The following SLC2A9 variants were observed in gnomAD, a reference collection of about 807,000 sequenced individuals.
SLC2A9 encodes solute carrier family 2 member 9.
In SLC2A9, 39 loss-of-function variants were observed where a neutral mutation model predicts 50.6. That is an observed-to-expected ratio of 0.77 (90% CI 0.60 to 1.01). The LOEUF (loss-of-function observed/expected upper bound fraction) is 1.01, where lower values mean the gene tolerates loss of function less well. SLC2A9 is among the 50% of genes least tolerant of loss of function. SLC2A9 has a pLI of 0.00. For missense variants in SLC2A9, 686 were observed against 677.6 expected (o/e 1.01, Z -0.14); for synonymous variants, 324 against 276.9 (o/e 1.17, Z -1.69).
intron 5 of SLC2A9, among the ~76,000 whole-genome samples, chr4:9,946,987 C>T (rs1038972433): frequency 6.6e-6 from 1 of 152,214 alleles, no homozygotes; most frequent in Non-Finnish European, 1.5e-5. Context: ...CATACCCCTT[C>T]CTCCAAGCCT....
chr4:9,900,569 C>T (rs10027276), intron 8 of SLC2A9, among the ~76,000 whole-genome samples: 32,167 of 152,044 alleles, frequency 0.21, 3,892 homozygotes, highest in African/African-American at 0.33. Context: ...TGTTTCTTCC[C>T]TTCCTCATCC....
Position 9,942,071 on chromosome 4 carries a change from G to A in SLC2A9, c.682-26C>T, listed in dbSNP as rs200826534. On this transcript the variant is annotated intron_variant, in intron 5 of 11. Coordinates refer to ENST00000264784, the MANE Select transcript of SLC2A9 (RefSeq NM_020041.3). Reference sequence around the variant, plus strand: ...CTGTGGGAGAAGGAGATGCTGCTGAGTGCAGTGGCCTTTGGTCATTGTTGA... The same window carrying A: ...CTGTGGGAGAAGGAGATGCTGCTGAATGCAGTGGCCTTTGGTCATTGTTGA... 6.0e-5 allele frequency: 97 copies of A among 1,613,734 alleles called. 1 individual carries two copies. The East Asian group carries it at 1.9e-3, about 32-fold the overall frequency.
chr4:9,964,350 C>T (rs574172159), intron 5 of SLC2A9, among the ~76,000 whole-genome samples: 1 of 152,114 alleles, frequency 6.6e-6, no homozygotes, highest in Non-Finnish European at 1.5e-5. Flanking sequence ...TAAAGGAGTT[C>T]AGGCATTAAC....
intron 10 of SLC2A9, among the ~76,000 whole-genome samples, chr4:9,857,514 G>A (rs947842115): frequency 7.9e-5 from 12 of 152,182 alleles, no homozygotes; most frequent in African/African-American, 2.9e-4. Flanking sequence ...ACATCCACCT[G>A]CCGGCTGGCA....
At chr4:9,824,064 T>A (rs551075832), downstream of SLC2A9, among the ~76,000 whole-genome samples, 10 of 152,200 alleles carry the variant, frequency 6.6e-5, no homozygotes, top group South Asian at 2.1e-3. Flanking sequence ...AGAGGCAGAG[T>A]CTTTAAAAGG....
chr4:10,016,647 A>G (rs189694707), intron 2 of SLC2A9, among the ~76,000 whole-genome samples: 2 of 152,156 alleles, frequency 1.3e-5, no homozygotes, highest in East Asian at 3.9e-4. Context: ...AATACCTCTA[A>G]GCTCTGGCCC....
intron 10 of SLC2A9, among the ~76,000 whole-genome samples, chr4:9,856,113 T>A (rs917164984): frequency 6.6e-6 from 1 of 152,196 alleles, no homozygotes; most frequent in Non-Finnish European, 1.5e-5. Context: ...AATTGACTAA[T>A]GGAACCTAAT....
chr4:9,895,702 T>C (rs1351937503), intron 8 of SLC2A9, among the ~76,000 whole-genome samples: 2 of 152,304 alleles, frequency 1.3e-5, no homozygotes, highest in Non-Finnish European at 2.9e-5. Flanking sequence ...AAAGGTGTAG[T>C]TTTCATTCAG....
chr4:9,944,957 C>T (rs112133658), intron 5 of SLC2A9, among the ~76,000 whole-genome samples: 102 of 152,352 alleles, frequency 6.7e-4, no homozygotes, highest in African/African-American at 2.2e-3. Flanking sequence ...CCTGCGCACA[C>T]GTCATCTCAA....
At chr4:9,970,258 G>A (rs1444390098) in intron 5 of SLC2A9, among the ~76,000 whole-genome samples, 1 of 152,190 alleles carries the variant, frequency 6.6e-6, no homozygotes, top group African/African-American at 2.4e-5. Context: ...AGACTCCAGT[G>A]GGGATGGAGA....
chr4:10,019,020 G>C lies in SLC2A9; in HGVS notation c.204C>G (p.Ser68=). The change falls in exon 2 of 12, where the codon TCC becomes TCG. Residue 68 remains serine, a synonymous_variant. Transcript: ENST00000264784. ...CCGACAGGTTGTAGCCGTAGAGGAA[G>C]GAGGAGCCGAAGGCGCCCGCGAGGG... The part of the protein sequence containing the change: ...VASLAGAFGS[S]FLYGYNLSVV... 6.4e-7 allele frequency: 1 copy of C among 1,550,924 alleles called. No homozygotes were observed. The highest frequency in any genetic ancestry group is 8.7e-7 in the Non-Finnish European group (1 of 1,146,992).
intron 2 of SLC2A9, 140 bp downstream of exon 2, chr4:10,018,835 G>GAGTGGGGGCT (rs1763099523): frequency 1.3e-6 from 1 of 761,568 alleles, no homozygotes; most frequent in African/African-American, 1.8e-5. Context: ...CCTCTCCCCC[G>GAGTGGGGGCT]AGTGGGGGCT....
intron 5 of SLC2A9, among the ~76,000 whole-genome samples, chr4:9,958,279 G>T (rs565154593): frequency 5.3e-5 from 8 of 152,288 alleles, no homozygotes; most frequent in African/African-American, 1.7e-4. Flanking sequence ...AGTACTGCAG[G>T]AAATGATTTA....
chr4:9,957,800 A>T (rs927244198), intron 5 of SLC2A9, among the ~76,000 whole-genome samples: 3 of 152,188 alleles, frequency 2.0e-5, no homozygotes, highest in Admixed American at 6.5e-5. Context: ...CTAAAATCAA[A>T]CTTAGAAGAG....
chr4:9,876,053 G>A (rs1372357831), intron 10 of SLC2A9, among the ~76,000 whole-genome samples: 3 of 152,258 alleles, frequency 2.0e-5, no homozygotes, highest in African/African-American at 4.8e-5. Flanking sequence ...CGACAGGGGT[G>A]AGAACTGGTT....
At chr4:9,950,963 C>A (rs7376154) in intron 5 of SLC2A9, among the ~76,000 whole-genome samples, 69,940 of 144,910 alleles carry the variant, frequency 0.48, 18,817 homozygotes, top group African/African-American at 0.68. Context: ...AATACAATTA[C>A]CATTCAATCC....
chr4:9,893,612 G>T (rs1281579150), intron 8 of SLC2A9, among the ~76,000 whole-genome samples: 1 of 152,038 alleles, frequency 6.6e-6, no homozygotes, highest in African/African-American at 2.4e-5. Context: ...GAGACACAGA[G>T]AAACCTGCAT....
intron 7 of SLC2A9, among the ~76,000 whole-genome samples, chr4:9,913,127 C>G (rs1468869616): frequency 6.6e-6 from 1 of 152,184 alleles, no homozygotes; most frequent in Non-Finnish European, 1.5e-5. Context: ...TTTAGGACTT[C>G]TGGCCTCCAG....
chr4:9,777,753 G>A (rs1019925373), downstream of SLC2A9, among the ~76,000 whole-genome samples: 1 of 152,224 alleles, frequency 6.6e-6, no homozygotes, highest in Non-Finnish European at 1.5e-5. Context: ...TAGAGGGCCA[G>A]GCGGTGATGT....
Sources: allele counts gnomAD v4.1 joint callset (sites outside exome capture counted in the v4.1 genomes callset), GRCh38; gene constraint gnomAD v4.1.1; transcripts MANE v1.5; gene names NCBI Gene and HGNC (gene_info 2026-07-23, HGNC 2026-07-21).